Variants in MEGF11 observed in about 807,000 individuals in gnomAD.
The protein encoded by MEGF11 is multiple epidermal growth factor-like domains protein 11.
Under a neutral mutation model 146.6 loss-of-function variants are expected in MEGF11, and 126 were observed. That is an observed-to-expected ratio of 0.86 (90% confidence interval 0.74 to 1.00). MEGF11 has a LOEUF of 1.00. Among genes scored for constraint, MEGF11 ranks in the 50% least tolerant of loss-of-function variants. The pLI, the probability that MEGF11 is intolerant of heterozygous loss-of-function variation, is 0.00. For synonymous variants in MEGF11, 532 were observed against 583.4 expected (o/e 0.91, Z 1.27); for missense variants, 1,509 against 1,521.2 (o/e 0.99, Z 0.13).
At chr15:66,105,297 AAG>A (rs1028267190) in intron 4 of MEGF11, among the ~76,000 whole-genome samples, 1 of 152,158 alleles carries the variant, frequency 6.6e-6, no homozygotes, top group African/African-American at 2.4e-5. Context: ...GAGGAGGAGG[AAG>A]AGAGAGACAG....
chr15:66,038,579 C>G (rs1160573500), intron 5 of MEGF11, among the ~76,000 whole-genome samples: 2 of 152,242 alleles, frequency 1.3e-5, no homozygotes, highest in South Asian at 4.2e-4. Context: ...AAAACATGGG[C>G]GGTGTGCCAG....
intron 1 of MEGF11, among the ~76,000 whole-genome samples, chr15:66,133,011 C>T (rs2140978755): frequency 6.6e-6 from 1 of 152,310 alleles, no homozygotes; most frequent in South Asian, 2.1e-4. Flanking sequence ...CCACCCCAAC[C>T]TCTCAACCAT....
chr15:66,109,070 G>T (rs1399109362), intron 4 of MEGF11, among the ~76,000 whole-genome samples: 1 of 152,182 alleles, frequency 6.6e-6, no homozygotes, highest in African/African-American at 2.4e-5. Flanking sequence ...GGCCCTGCTG[G>T]CACTCACTGA....
chr15:66,211,501 G>T (rs1197225945), intron 1 of MEGF11, among the ~76,000 whole-genome samples: 1 of 148,964 alleles, frequency 6.7e-6, no homozygotes, highest in Non-Finnish European at 1.5e-5. Context: ...TCCAGCCTGG[G>T]TGACAGAGTG....
Position 65,906,115 on chromosome 15 carries a change from T to A in MEGF11, c.3025A>T (p.Asn1009Tyr). The change falls in exon 24 of 26, where the codon AAC (asparagine) becomes TAC (tyrosine). Residue 1009 changes from asparagine (N) to tyrosine (Y), a missense_variant. By Grantham distance (143) the Asn-to-Tyr change is moderately radical. Coordinates refer to ENST00000395614, the MANE Select transcript of MEGF11 (RefSeq NM_001385028.1). ...PGACGMDRRQ[N>Y]TYIMDKGFKD... ...AAGCCTTTGTCCATAATGTATGTGTTCTGACGTCTATCCATTCCACAAGCA... is the reference window on the plus strand; with the variant it reads ...AAGCCTTTGTCCATAATGTATGTGTACTGACGTCTATCCATTCCACAAGCA... The A allele has an allele frequency of 6.2e-7, 1 of 1,611,206 alleles. No homozygotes were observed. The highest frequency in any genetic ancestry group is 1.1e-5 in the South Asian group (1 of 90,154).
At chr15:65,984,945 T>A (rs1341093691) in intron 5 of MEGF11, among the ~76,000 whole-genome samples, 2 of 151,954 alleles carry the variant, frequency 1.3e-5, no homozygotes, top group African/African-American at 4.8e-5. Flanking sequence ...ATTTTTGTAT[T>A]TTTAGTAGAG....
chr15:66,067,965 C>T (rs1310348421), intron 5 of MEGF11, among the ~76,000 whole-genome samples: 2 of 152,180 alleles, frequency 1.3e-5, no homozygotes, highest in South Asian at 2.1e-4. Context: ...GACGATGCCA[C>T]CACTTACTAG....
At chr15:65,931,145 G>T (rs1407831957) in intron 10 of MEGF11, among the ~76,000 whole-genome samples, 2 of 152,148 alleles carry the variant, frequency 1.3e-5, no homozygotes, top group Non-Finnish European at 2.9e-5. Flanking sequence ...AGGCGTTCAG[G>T]GGTTATCCAG....
chr15:66,064,720 G>T (rs1265717982), intron 5 of MEGF11, among the ~76,000 whole-genome samples: 1 of 151,848 alleles, frequency 6.6e-6, no homozygotes, highest in Non-Finnish European at 1.5e-5. Context: ...GTAGAGACTG[G>T]GTTTCTCCAT....
intron 4 of MEGF11, among the ~76,000 whole-genome samples, chr15:66,096,767 G>T (rs755808016): frequency 1.3e-5 from 2 of 152,148 alleles, no homozygotes; most frequent in Non-Finnish European, 2.9e-5. Context: ...CCCTGCTCCC[G>T]ATCCTAGAGA....
At chr15:66,012,931 G>C (rs1002352597) in intron 5 of MEGF11, among the ~76,000 whole-genome samples, 3 of 152,236 alleles carry the variant, frequency 2.0e-5, no homozygotes, top group Non-Finnish European at 4.4e-5. Context: ...CAGCTGGACC[G>C]GGCTTAGTTT....
intron 23 of MEGF11, 29 bp downstream of exon 23, chr15:65,909,004 AG>A: frequency 2.1e-6 from 3 of 1,403,016 alleles, no homozygotes; most frequent in Non-Finnish European, 9.7e-7. Context: ...GTCTGGCATG[AG>A]GGGGTGGAGG....
At chr15:66,072,643 A>G (rs1423602476) in intron 5 of MEGF11, among the ~76,000 whole-genome samples, 1 of 152,244 alleles carries the variant, frequency 6.6e-6, no homozygotes, top group Non-Finnish European at 1.5e-5. Flanking sequence ...CAGTGCTACA[A>G]GTCCACTTTA....
At chr15:65,924,373 TG>T (rs72309249) in intron 13 of MEGF11, among the ~76,000 whole-genome samples, 10,026 of 40,908 alleles carry the variant, frequency 0.25, 329 homozygotes, top group South Asian at 0.4. Flanking sequence ...GGGGTGTGGG[TG>T]GGGGGGGGGG....
At chr15:66,219,383 T>A (rs1284210776) in intron 1 of MEGF11, among the ~76,000 whole-genome samples, 1 of 152,060 alleles carries the variant, frequency 6.6e-6, no homozygotes, top group East Asian at 1.9e-4. Context: ...AAGTCAATTT[T>A]AAAAATGAGT....
intron 9 of MEGF11, among the ~76,000 whole-genome samples, chr15:65,963,994 C>T (rs1371350350): frequency 2.0e-5 from 3 of 152,198 alleles, no homozygotes; most frequent in African/African-American, 7.2e-5. Flanking sequence ...GCACCCATGC[C>T]CAGGGTGGCC....
intron 5 of MEGF11, among the ~76,000 whole-genome samples, chr15:66,080,554 A>AC (rs555457136): frequency 3.4e-4 from 51 of 150,822 alleles, no homozygotes; most frequent in Admixed American, 3.0e-3. Flanking sequence ...TCATCTCTGA[A>AC]CCCCCCATTT....
At chr15:66,107,054 A>ACCCCCC (rs35937464) in intron 4 of MEGF11, among the ~76,000 whole-genome samples, 22 of 132,498 alleles carry the variant, frequency 1.7e-4, no homozygotes, top group African/African-American at 5.8e-4. Flanking sequence ...TTATATTCCT[A>ACCCCCC]CCCCCCCACC....
chr15:66,213,628 G>C (rs1190132199), intron 1 of MEGF11, among the ~76,000 whole-genome samples: 3 of 151,428 alleles, frequency 2.0e-5, no homozygotes, highest in Non-Finnish European at 4.4e-5. Flanking sequence ...TGTCGCCCAG[G>C]CTGGTCTTGA....
Sources: allele counts gnomAD v4.1 joint callset (sites outside exome capture counted in the v4.1 genomes callset), GRCh38; gene constraint gnomAD v4.1.1; transcripts MANE v1.5; gene names NCBI Gene and HGNC (gene_info 2026-07-23, HGNC 2026-07-21).